UNC5C: variants seen among roughly 807,000 people sequenced by gnomAD.
UNC5C encodes the protein unc-5 netrin receptor C, also known as netrin receptor UNC5C.
A neutral mutation model predicts 99.8 loss-of-function variants in UNC5C; 47 were observed. The ratio of observed to expected loss-of-function variants is 0.47; its 90% CI spans 0.37 to 0.60. The LOEUF (loss-of-function observed/expected upper bound fraction) is 0.60. Among genes scored for constraint, UNC5C ranks in the 20% least tolerant of loss-of-function variants. The pLI, the probability that UNC5C is intolerant of heterozygous loss-of-function variation, is 0.00. For missense variants in UNC5C, 1,062 were observed against 1,165.9 expected (o/e 0.91, Z 1.30); for synonymous variants, 487 against 452.2 (o/e 1.08, Z -0.98).
rs1254458353 is a variant in UNC5C at position 95,219,060 on chromosome 4, C to T, written c.1554G>A (p.Lys518=). 7 of 1,614,024 alleles carry T rather than the reference C, an allele frequency of 4.3e-6. No homozygotes were observed. The highest frequency in any genetic ancestry group is 5.1e-6 in the Non-Finnish European group (6 of 1,180,028). Residue 518 remains lysine, a synonymous_variant, in exon 9 of 16, where the codon AAG becomes AAA. Coordinates refer to ENST00000453304, the MANE Select transcript of UNC5C (RefSeq NM_003728.4). ...SLLENEALSL[K]NQSLARQTDP... ...CAGTCTGCCTTGCTAGACTCTGGTT[C>T]TTCAGGCTGAGGGCTTCATTCTCCA... is the stretch of plus-strand genomic sequence containing the variant.
chr4:95,222,069 C>A, intron 7 of UNC5C: 2 of 532,924 alleles, frequency 3.8e-6, no homozygotes, highest in Non-Finnish European at 5.9e-6. Context: ...CAGCAAAAAT[C>A]TAATTTATTT....
At chr4:95,202,394 G>T (rs1001145783) in intron 12 of UNC5C, among the ~76,000 whole-genome samples, 3 of 152,206 alleles carry the variant, frequency 2.0e-5, no homozygotes, top group Non-Finnish European at 1.5e-5. Context: ...GAGCAATTAT[G>T]CCAATTCCTT....
intron 1 of UNC5C, among the ~76,000 whole-genome samples, chr4:95,397,903 A>G (rs1053954383): frequency 2.0e-5 from 3 of 152,214 alleles, no homozygotes; most frequent in African/African-American, 7.2e-5. Context: ...TCTATATTTT[A>G]GAGCAGTAGC....
chr4:95,484,793 A>G (rs773724427), intron 1 of UNC5C, among the ~76,000 whole-genome samples: 47 of 151,904 alleles, frequency 3.1e-4, no homozygotes, highest in Admixed American at 2.0e-4. Context: ...AAGCTAGTAC[A>G]GTAACTCAGT....
intron 3 of UNC5C, among the ~76,000 whole-genome samples, 176 bp downstream of exon 3, chr4:95,301,430 T>C (rs1018111003): frequency 6.6e-6 from 1 of 152,002 alleles, no homozygotes; most frequent in African/African-American, 2.4e-5. Flanking sequence ...CTCCTGACCT[T>C]GTGATCCGCC....
At chr4:95,195,261 A>G (rs1737331975) in intron 12 of UNC5C, among the ~76,000 whole-genome samples, 1 of 152,192 alleles carries the variant, frequency 6.6e-6, no homozygotes, top group Non-Finnish European at 1.5e-5. Flanking sequence ...CACCAGGCTG[A>G]TAAGTGGCAC....
At chr4:95,394,184 G>C (rs1745442356) in intron 1 of UNC5C, among the ~76,000 whole-genome samples, 1 of 151,544 alleles carries the variant, frequency 6.6e-6, no homozygotes, top group East Asian at 1.9e-4. Context: ...AGTTAGCTCA[G>C]CTTGACTTCT....
chr4:95,425,029 CA>C (rs1419177679), intron 1 of UNC5C, among the ~76,000 whole-genome samples: 8 of 151,802 alleles, frequency 5.3e-5, no homozygotes, highest in African/African-American at 1.7e-4. Flanking sequence ...TTTTTCATTT[CA>C]AAAATGTCTA....
intron 4 of UNC5C, among the ~76,000 whole-genome samples, chr4:95,262,152 G>C (rs1176120598): frequency 3.3e-5 from 5 of 152,210 alleles, no homozygotes; most frequent in Non-Finnish European, 5.9e-5. Flanking sequence ...GGGAATATTA[G>C]TGTTGTAGTT....
At chr4:95,192,245 CT>C (rs543429925) in intron 12 of UNC5C, among the ~76,000 whole-genome samples, 8 of 146,274 alleles carry the variant, frequency 5.5e-5, no homozygotes, top group East Asian at 2.2e-4. Context: ...CCCTCCTCCC[CT>C]GTTCACCCTC....
chr4:95,206,908 T>TTG, intron 10 of UNC5C, 112 bp from the exon 11 acceptor site: 2 of 986,674 alleles, frequency 2.0e-6, no homozygotes, highest in Non-Finnish European at 2.8e-6. Context: ...AATTCTTTTT[T>TTG]TTTTTTTTTT....
chr4:95,548,663 G>T (rs1185472977), intron 1 of UNC5C, 71 bp downstream of exon 1: 1 of 1,550,646 alleles, frequency 6.4e-7, no homozygotes, highest in African/African-American at 1.4e-5. Context: ...AAGAGAACTG[G>T]GGAGGAGGAG....
chr4:95,543,037 A>G (rs1402505351), intron 1 of UNC5C, among the ~76,000 whole-genome samples: 1 of 152,122 alleles, frequency 6.6e-6, no homozygotes, highest in Non-Finnish European at 1.5e-5. Context: ...GCATTAAAAA[A>G]CAGCACCAAG....
intron 1 of UNC5C, among the ~76,000 whole-genome samples, chr4:95,465,086 A>T (rs1747732616): frequency 1.3e-5 from 2 of 152,226 alleles, no homozygotes; most frequent in African/African-American, 4.8e-5. Context: ...GCAGGGTGTC[A>T]TAAAAAGCCT....
At chr4:95,358,305 A>AT (rs1357915355) in intron 1 of UNC5C, among the ~76,000 whole-genome samples, 3 of 152,114 alleles carry the variant, frequency 2.0e-5, no homozygotes, top group Non-Finnish European at 4.4e-5. Flanking sequence ...GATAGAATTC[A>AT]TTTTTTTGTG....
At chr4:95,213,244 T>G (rs1738135998) in intron 10 of UNC5C, among the ~76,000 whole-genome samples, 1 of 152,370 alleles carries the variant, frequency 6.6e-6, no homozygotes, top group South Asian at 2.1e-4. Context: ...TCAATTCCAA[T>G]TGTTTTCCAA....
chr4:95,396,881 T>C (rs1745528140), intron 1 of UNC5C, among the ~76,000 whole-genome samples: 1 of 152,236 alleles, frequency 6.6e-6, no homozygotes, highest in South Asian at 2.1e-4. Context: ...ATGAATGCTT[T>C]ATGAAGTAGG....
At chr4:95,389,293 T>C (rs1745292371) in intron 1 of UNC5C, among the ~76,000 whole-genome samples, 1 of 152,204 alleles carries the variant, frequency 6.6e-6, no homozygotes, top group African/African-American at 2.4e-5. Context: ...TCAGTGCTTA[T>C]AATGGATGTT....
rs1403098822 is a variant in UNC5C at position 95,301,684 on chromosome 4, C to T, written c.412G>A (p.Glu138Lys). ...RQQVEELFGP[E>K]DYWCQCVAWS... ...GCCACACACTGGCACCAGTAATCTT[C>T]AGGTCCAAAGAGTTCTTCCACTTGC... The change falls in exon 3 of 16, where the codon GAA becomes AAA. Residue 138 changes from glutamate (E) to lysine (K), a missense_variant. By Grantham distance (56) the Glu-to-Lys change is moderately conservative. Coordinates refer to ENST00000453304, the MANE Select transcript of UNC5C (RefSeq NM_003728.4). 1.2e-6 allele frequency: 2 copies of T among 1,613,662 alleles called. No individual in the cohort carries two copies. Among genetic ancestry groups the T allele is most frequent in the Admixed American group, 1.7e-5 (1 of 60,026 alleles).
Sources: allele counts gnomAD v4.1 joint callset (sites outside exome capture counted in the v4.1 genomes callset), GRCh38; gene constraint gnomAD v4.1.1; transcripts MANE v1.5; gene names NCBI Gene and HGNC (gene_info 2026-07-23, HGNC 2026-07-21).